GRIN3A: variants seen among roughly 807,000 people sequenced by gnomAD.
GRIN3A encodes the protein glutamate receptor ionotropic, NMDA 3A.
A neutral mutation model predicts 92.4 loss-of-function variants in GRIN3A; 47 were observed. That is an observed-to-expected ratio of 0.51 (90% CI 0.40 to 0.65). GRIN3A has a LOEUF of 0.65. GRIN3A is among the 30% of genes least tolerant of loss of function. GRIN3A has a pLI of 0.00. For synonymous variants in GRIN3A, 527 were observed against 540.6 expected (o/e 0.97, Z 0.35); for missense variants, 1,324 against 1,393.1 (o/e 0.95, Z 0.79).
intron 4 of GRIN3A, among the ~76,000 whole-genome samples, chr9:101,627,093 C>A (rs1407737844): frequency 6.6e-6 from 1 of 152,156 alleles, no homozygotes; most frequent in Non-Finnish European, 1.5e-5. Context: ...GCCATTGCTA[C>A]CCTGACATCT....
At chr9:101,604,288 G>T (rs750650891) in intron 6 of GRIN3A, among the ~76,000 whole-genome samples, 1 of 152,140 alleles carries the variant, frequency 6.6e-6, no homozygotes, top group African/African-American at 2.4e-5. Flanking sequence ...AAGAAAGAAC[G>T]AATGAATTTG....
chr9:101,680,482 A>T (rs1829453893), intron 2 of GRIN3A, among the ~76,000 whole-genome samples: 1 of 152,204 alleles, frequency 6.6e-6, no homozygotes, highest in African/African-American at 2.4e-5. Flanking sequence ...GCATAAAGAT[A>T]AACATAGTTT....
intron 3 of GRIN3A, among the ~76,000 whole-genome samples, chr9:101,653,368 A>T (rs1829037891): frequency 6.6e-6 from 1 of 151,916 alleles, no homozygotes; most frequent in Non-Finnish European, 1.5e-5. Flanking sequence ...ATTTATGATG[A>T]ACTCTAAAGT....
intron 6 of GRIN3A, among the ~76,000 whole-genome samples, chr9:101,610,458 ACTT>A (rs1161115530): frequency 2.0e-5 from 3 of 152,206 alleles, no homozygotes; most frequent in Non-Finnish European, 2.9e-5. Context: ...ATATAGGTTA[ACTT>A]CTTCTTTTTC....
chr9:101,636,163 G>A (rs930393215), intron 3 of GRIN3A, among the ~76,000 whole-genome samples: 1 of 152,204 alleles, frequency 6.6e-6, no homozygotes, highest in Non-Finnish European at 1.5e-5. Context: ...GATTACAGGC[G>A]TGAGCCACCG....
intron 1 of GRIN3A, among the ~76,000 whole-genome samples, chr9:101,694,844 G>T (rs1213916475): frequency 6.6e-6 from 1 of 152,116 alleles, no homozygotes; most frequent in East Asian, 1.9e-4. Context: ...ATAATCATTA[G>T]AAATGTGGGC....
At chr9:101,594,848 CTGCCCAGCCTT>C in intron 6 of GRIN3A, 1 of 1,606,800 alleles carries the variant, frequency 6.2e-7, no homozygotes, top group Non-Finnish European at 8.5e-7. Flanking sequence ...CTTAAACCTC[CTGCCCAGCCTT>C]TTAATTTCAT....
intron 1 of GRIN3A, among the ~76,000 whole-genome samples, chr9:101,695,054 G>A (rs925597936): frequency 1.1e-4 from 17 of 152,090 alleles, no homozygotes; most frequent in Non-Finnish European, 2.1e-4. Context: ...CCTCTTTTGC[G>A]TAATGAAAAT....
At chr9:101,732,768 C>T (rs1830155723) in intron 1 of GRIN3A, among the ~76,000 whole-genome samples, 1 of 152,138 alleles carries the variant, frequency 6.6e-6, no homozygotes, top group African/African-American at 2.4e-5. Flanking sequence ...ATTTGGGTAA[C>T]ACTATAACTT....
At chr9:101,639,002 G>A (rs905134066) in intron 3 of GRIN3A, among the ~76,000 whole-genome samples, 2 of 152,122 alleles carry the variant, frequency 1.3e-5, no homozygotes, top group African/African-American at 2.4e-5. Flanking sequence ...CTCCACATTC[G>A]TCATCTCATT....
At chr9:101,588,072 C>CCAAAGATA (rs1827970715) in intron 6 of GRIN3A, among the ~76,000 whole-genome samples, 2 of 152,252 alleles carry the variant, frequency 1.3e-5, no homozygotes, top group Admixed American at 6.5e-5. Context: ...GAAATGTGGG[C>CCAAAGATA]TCCAGATGTA....
chr9:101,686,309 A>G (rs1829532062), intron 2 of GRIN3A, among the ~76,000 whole-genome samples: 1 of 152,138 alleles, frequency 6.6e-6, no homozygotes, highest in South Asian at 2.1e-4. Flanking sequence ...TGAGGCTTGG[A>G]GCTTTTAAAT....
chr9:101,599,988 G>A (rs1196021827), intron 6 of GRIN3A, among the ~76,000 whole-genome samples: 2 of 152,072 alleles, frequency 1.3e-5, no homozygotes, highest in Non-Finnish European at 2.9e-5. Flanking sequence ...TCATCTGTTT[G>A]GTTTTCTTTT....
At chr9:101,689,490 C>T (rs975560105) in intron 1 of GRIN3A, among the ~76,000 whole-genome samples, 1 of 152,130 alleles carries the variant, frequency 6.6e-6, no homozygotes, top group Non-Finnish European at 1.5e-5. Flanking sequence ...AAGACCCCTA[C>T]AATGGATAAT....
At chr9:101,578,270 G>A (rs1827850975) in intron 7 of GRIN3A, among the ~76,000 whole-genome samples, 2 of 152,138 alleles carry the variant, frequency 1.3e-5, no homozygotes, top group South Asian at 2.1e-4. Context: ...GATCTGTGGA[G>A]TTCTCCTAGA....
At chr9:101,586,721 T>C (rs2118799492) in intron 6 of GRIN3A, among the ~76,000 whole-genome samples, 1 of 152,338 alleles carries the variant, frequency 6.6e-6, no homozygotes, top group Middle Eastern at 3.4e-3. Context: ...ACTGCCCTCT[T>C]CCTGCTTCAT....
At chr9:101,582,380 C>A (rs903430048) in intron 6 of GRIN3A, among the ~76,000 whole-genome samples, 3 of 152,104 alleles carry the variant, frequency 2.0e-5, no homozygotes, top group Admixed American at 2.0e-4. Context: ...TGAGCAGGGG[C>A]TCGGAGACTG....
At chr9:101,637,994 C>T (rs1313861418) in intron 3 of GRIN3A, among the ~76,000 whole-genome samples, 1 of 152,192 alleles carries the variant, frequency 6.6e-6, no homozygotes, top group Non-Finnish European at 1.5e-5. Flanking sequence ...CCTTGTTTCT[C>T]TCTGGTATCC....
chr9:101,660,762 C>G (rs1829162433), intron 3 of GRIN3A, among the ~76,000 whole-genome samples: 1 of 151,396 alleles, frequency 6.6e-6, no homozygotes, highest in African/African-American at 2.4e-5. Flanking sequence ...CACATTGCCC[C>G]CAACAGGGGT....
Sources: allele counts gnomAD v4.1 joint callset (sites outside exome capture counted in the v4.1 genomes callset), GRCh38; gene constraint gnomAD v4.1.1; transcripts MANE v1.5; gene names NCBI Gene and HGNC (gene_info 2026-07-23, HGNC 2026-07-21).